TSHZ3: variants seen among roughly 807,000 people sequenced by gnomAD.
TSHZ3 encodes the protein teashirt zinc finger homeobox 3.
A neutral mutation model predicts 64.5 loss-of-function variants in TSHZ3; 10 were observed. The observed-to-expected ratio is 0.16, with a 90% CI of 0.10 to 0.26. The LOEUF is 0.26. Among genes scored for constraint, TSHZ3 ranks in the 10% least tolerant of loss-of-function variants. The pLI is 1.00. For missense variants in TSHZ3, 1,242 were observed against 1,421.7 expected, an observed-to-expected ratio of 0.87 and a Z score of 2.03; for synonymous variants, 608 against 593.1, an observed-to-expected ratio of 1.03 and a Z score of -0.36.
chr19:31,306,563 G>T (rs889744708), intron 1 of TSHZ3, among the ~76,000 whole-genome samples: 2 of 152,172 alleles, frequency 1.3e-5, no homozygotes, highest in African/African-American at 4.8e-5. Flanking sequence ...GGGCGTGTGT[G>T]CGTATGTATG....
chr19:31,192,490 A>G (rs1974925475), intron 5 of TSHZ3, among the ~76,000 whole-genome samples: 1 of 152,226 alleles, frequency 6.6e-6, no homozygotes, highest in Admixed American at 6.5e-5. Flanking sequence ...ACATTAGTGC[A>G]TGATTTGCAC....
intron 4 of TSHZ3, among the ~76,000 whole-genome samples, chr19:31,211,940 T>A (rs573005205): frequency 6.6e-6 from 1 of 152,234 alleles, no homozygotes; most frequent in African/African-American, 2.4e-5. Context: ...TATAAAGATA[T>A]CCAGGGTAGA....
chr19:31,227,081 C>T (rs1310104706), intron 4 of TSHZ3, among the ~76,000 whole-genome samples: 6 of 146,330 alleles, frequency 4.1e-5, no homozygotes, highest in Non-Finnish European at 3.0e-5. Context: ...CAGGTTCAAG[C>T]GATTCTTGTG....
chr19:31,215,116 A>G (rs955387303), intron 4 of TSHZ3, among the ~76,000 whole-genome samples: 3 of 152,156 alleles, frequency 2.0e-5, no homozygotes, highest in South Asian at 2.1e-4. Flanking sequence ...TTTCCCAGAC[A>G]TTAGTCATTT....
intron 3 of TSHZ3, among the ~76,000 whole-genome samples, chr19:31,228,622 A>G (rs1975502389): frequency 6.6e-6 from 1 of 152,092 alleles, no homozygotes; most frequent in Non-Finnish European, 1.5e-5. Flanking sequence ...TTGTGTTTCA[A>G]TCAGAAGCTT....
chr19:31,325,747 G>T (rs1916914197), intron 1 of TSHZ3, among the ~76,000 whole-genome samples: 1 of 152,112 alleles, frequency 6.6e-6, no homozygotes, highest in African/African-American at 2.4e-5. Flanking sequence ...GTTCACTATG[G>T]TACTGTTTGT....
At position 31,277,483 on chromosome 19, in the gene TSHZ3, C is replaced by T. The variant is rs1185879813; in HGVS notation, c.2310G>A (p.Gln770=). The change falls in exon 2 of 2, where the codon CAG becomes CAA. Residue 770 remains glutamine (Q), a synonymous_variant. Transcript: ENST00000240587. This position sits in a 1 kb window ranked among gnomAD's most constrained non-coding sequence, Gnocchi z 4.5. ...GGTCGAGGTGGTCTGCCTTCTTGGA[C>T]TGCAGGGGCGGCGGGGTGGCCACAG... ...KAAVATPPPL[Q]SKKADHLDRY... is the part of the protein sequence containing the mutation. The T allele has an allele frequency of 6.2e-7, 1 of 1,611,590 alleles. No individual in the cohort carries two copies.
chr19:31,284,825 C>A (rs1294171368), intron 1 of TSHZ3, among the ~76,000 whole-genome samples: 4 of 152,188 alleles, frequency 2.6e-5, no homozygotes, highest in Admixed American at 6.5e-5. Flanking sequence ...CGCAACCCTA[C>A]CGTCCGGCCC....
At chr19:31,334,690 C>T (rs1032996305) in intron 1 of TSHZ3, among the ~76,000 whole-genome samples, 4 of 152,136 alleles carry the variant, frequency 2.6e-5, no homozygotes, top group Non-Finnish European at 5.9e-5. Flanking sequence ...ATAGAACACT[C>T]AAATATCAAG....
chr19:31,296,906 C>T (rs1368256404), intron 1 of TSHZ3, among the ~76,000 whole-genome samples: 5 of 152,210 alleles, frequency 3.3e-5, no homozygotes, highest in South Asian at 2.1e-4. Flanking sequence ...TGCTCTCTTC[C>T]GTGGCAGCAT....
chr19:31,228,705 T>C (rs1975503395), intron 3 of TSHZ3, among the ~76,000 whole-genome samples: 1 of 152,108 alleles, frequency 6.6e-6, no homozygotes, highest in Non-Finnish European at 1.5e-5. Context: ...ATGGACAGAT[T>C]GCAGAGAGTG....
chr19:31,291,194 T>C (rs2145129861), intron 1 of TSHZ3, among the ~76,000 whole-genome samples: 1 of 152,298 alleles, frequency 6.6e-6, no homozygotes, highest in South Asian at 2.1e-4. Flanking sequence ...CCCCAGCCGG[T>C]TCAGAAGACT....
intron 5 of TSHZ3, among the ~76,000 whole-genome samples, chr19:31,171,880 A>C (rs1974539715): frequency 6.6e-6 from 1 of 152,126 alleles, no homozygotes; most frequent in Non-Finnish European, 1.5e-5. Flanking sequence ...TTCCCTGCCC[A>C]GTGTCCCATT....
intron 1 of TSHZ3, among the ~76,000 whole-genome samples, chr19:31,266,709 C>T (rs553548974): frequency 9.2e-5 from 14 of 152,160 alleles, no homozygotes; most frequent in Non-Finnish European, 1.9e-4. Flanking sequence ...CTGAGACACA[C>T]GGGAATAGAA....
chr19:31,169,999 G>A (rs1319022419), intron 5 of TSHZ3, among the ~76,000 whole-genome samples: 1 of 152,166 alleles, frequency 6.6e-6, no homozygotes, highest in East Asian at 1.9e-4. Flanking sequence ...ACTGCTAATA[G>A]GGTCTAGCTG....
intron 1 of TSHZ3, among the ~76,000 whole-genome samples, chr19:31,309,027 G>A (rs753438289): frequency 2.0e-5 from 3 of 152,250 alleles, no homozygotes; most frequent in East Asian, 1.9e-4. Flanking sequence ...AGTGACCACC[G>A]TGCTGTTGGC....
In TSHZ3 at chr19:31,278,546, T is replaced by C. The variant is rs771851093; in HGVS notation, c.1247A>G (p.Asn416Ser). The change falls in exon 2 of 2, where the codon AAC becomes AGC. Residue 416 changes from asparagine (N) to serine (S), a missense_variant. Physicochemically the swap from Asn to Ser is conservative, Grantham distance 46 (BLOSUM62 1). Coordinates refer to ENST00000240587, the MANE Select transcript of TSHZ3 (RefSeq NM_020856.4). This position sits in a 1 kb window ranked among gnomAD's most constrained non-coding sequence, Gnocchi z 4.7. ...GGGCTTCCCCTTTTTCATAGCAGAG[T>C]TGGTGACCTTGATGAAGTGGCCAGT... ...MVTGHFIKVT[N>S]SAMKKGKPIV... is the part of the protein sequence containing the mutation. The C allele has an allele frequency of 2.0e-5, 32 of 1,613,794 alleles. No homozygotes were observed. Among genetic ancestry groups the C allele is most frequent in the Non-Finnish European group, 2.6e-5 (31 of 1,179,978 alleles).
chr19:31,220,160 C>G (rs1356050069), intron 4 of TSHZ3, among the ~76,000 whole-genome samples: 2 of 152,212 alleles, frequency 1.3e-5, no homozygotes, highest in Non-Finnish European at 2.9e-5. Flanking sequence ...GGAACTATAA[C>G]TATGCCACAT....
intron 1 of TSHZ3, among the ~76,000 whole-genome samples, chr19:31,320,578 T>C (rs538082631): frequency 6.6e-6 from 1 of 152,336 alleles, no homozygotes; most frequent in Admixed American, 6.5e-5. Flanking sequence ...TGATGTGTCC[T>C]TCTCGGGAGA....
Sources: allele counts gnomAD v4.1 joint callset (sites outside exome capture counted in the v4.1 genomes callset), GRCh38; gene constraint gnomAD v4.1.1; non-coding constraint Gnocchi (gnomAD v3.1); transcripts MANE v1.5; gene names NCBI Gene and HGNC (gene_info 2026-07-23, HGNC 2026-07-21).